KIRREL1: variants seen among roughly 807,000 people sequenced by gnomAD.
KIRREL1 encodes kin of IRRE-like protein 1.
KIRREL1 carries 25 observed loss-of-function variants against 83.3 expected under a neutral mutation model. The observed-to-expected ratio is 0.30, with a 90% confidence interval of 0.22 to 0.42. The LOEUF (loss-of-function observed/expected upper bound fraction) is 0.42, where lower values mean the gene tolerates loss of function less well. Ranked by LOEUF, KIRREL1 falls within the 10% of genes least tolerant of loss-of-function variation. The pLI is 1.00. For missense variants in KIRREL1, 812 were observed against 1,032.3 expected, an observed-to-expected ratio of 0.79 and a Z score of 2.92; for synonymous variants, 388 against 410.4, an observed-to-expected ratio of 0.95 and a Z score of 0.66.
intron 1 of KIRREL1, among the ~76,000 whole-genome samples, chr1:158,038,683 G>A (rs1660541511): frequency 6.6e-6 from 1 of 151,988 alleles, no homozygotes; most frequent in South Asian, 2.1e-4. Flanking sequence ...ATTATTCTTA[G>A]CCCTGGGAGA....
intron 1 of KIRREL1, chr1:158,031,043 TC>T (rs1487236041): frequency 1.3e-5 from 2 of 151,618 alleles, no homozygotes; most frequent in Non-Finnish European, 2.9e-5. Context: ...TGGGAAAGAG[TC>T]CCCTCCTCTC....
intron 1 of KIRREL1, among the ~76,000 whole-genome samples, chr1:158,014,270 A>C (rs1659764461): frequency 6.6e-6 from 1 of 152,086 alleles, no homozygotes; most frequent in African/African-American, 2.4e-5. Context: ...TTTTATTTAA[A>C]ATCAGAGAGC....
At chr1:158,078,286 G>A (rs1456604726) in intron 3 of KIRREL1, 146 bp downstream of exon 3, 2 of 931,022 alleles carry the variant, frequency 2.1e-6, no homozygotes, top group Non-Finnish European at 3.2e-6. Context: ...TCAAGTCCAG[G>A]TAGAAGAAAG....
intron 1 of KIRREL1, among the ~76,000 whole-genome samples, chr1:158,060,181 C>T (rs1299055328): frequency 6.6e-6 from 1 of 152,188 alleles, no homozygotes; most frequent in Non-Finnish European, 1.5e-5. Context: ...CCTCTCTGCT[C>T]CTCCTTCGCC....
At position 158,097,783 on chromosome 1, in the gene KIRREL1, T is replaced by A. The variant is rs1247204226; in HGVS notation, c.*2663T>A. ...GTGATGCCTCAGTAGTTGGTGATCC[T>A]GATCACCTTTGGTGGCTTGTTTTAG... is the stretch of plus-strand genomic sequence containing the variant. On this transcript the variant is annotated 3_prime_UTR_variant, in exon 15 of 15. Coordinates refer to ENST00000359209, the MANE Select transcript of KIRREL1 (RefSeq NM_018240.7). 2 of 152,342 alleles carry A rather than the reference T, an allele frequency of 1.3e-5. No individual in the cohort carries two copies. The highest frequency in any genetic ancestry group is 2.9e-5 in the Non-Finnish European group (2 of 68,142). 9.4% of individuals were successfully genotyped at this position (152,342 alleles called of 1,614,324 possible).
At chr1:158,059,693 CA>C (rs1167770880) in intron 1 of KIRREL1, among the ~76,000 whole-genome samples, 1 of 152,002 alleles carries the variant, frequency 6.6e-6, no homozygotes, top group East Asian at 1.9e-4. Flanking sequence ...TCAGGGTAGG[CA>C]GGGGTGGGGG....
At chr1:158,037,246 G>A (rs997984176) in intron 1 of KIRREL1, among the ~76,000 whole-genome samples, 8 of 152,198 alleles carry the variant, frequency 5.3e-5, no homozygotes, top group Non-Finnish European at 1.0e-4. Flanking sequence ...CATAATCCCA[G>A]CACTTTGGGA....
At position 158,094,323 on chromosome 1, in the gene KIRREL1, A is replaced by G. The variant is rs1253768108; in HGVS notation, c.1730A>G (p.Asp577Gly). The G allele has an allele frequency of 3.8e-6, 6 of 1,566,716 alleles. No individual in the cohort carries two copies. Among genetic ancestry groups the G allele is most frequent in the Admixed American group, 3.4e-5 (2 of 58,504 alleles). Residue 577 changes from aspartate (D) to glycine (G), a missense_variant, in exon 14 of 15, where the codon GAT (aspartate) becomes GGT (glycine). Asp to Gly is a moderately conservative substitution (Grantham distance 94). Coordinates refer to ENST00000359209, the MANE Select transcript of KIRREL1 (RefSeq NM_018240.7). The surrounding 1 kb of genome is among the most constrained non-coding windows in gnomAD (Gnocchi z 4.6). The stretch of plus-strand genomic sequence containing the variant: ...CCTGCTGCTCCACAGTCGTTTAAGG[A>G]TGATGTGGATCTGAAGCAGGACCTG... Reference protein sequence around the residue: ...VMKAIYSSFKDDVDLKQDLRC... With the variant: ...VMKAIYSSFKGDVDLKQDLRC...
At chr1:158,057,148 G>A (rs1464671546) in intron 1 of KIRREL1, among the ~76,000 whole-genome samples, 1 of 152,168 alleles carries the variant, frequency 6.6e-6, no homozygotes, top group Non-Finnish European at 1.5e-5. Context: ...TGGGATAGAG[G>A]TGTGAGTCCC....
In KIRREL1 at chr1:158,076,131, G is replaced by C; in HGVS notation, c.71G>C (p.Ser24Thr). 6.2e-7 allele frequency: 1 copy of C among 1,614,100 alleles called. No individual in the cohort carries two copies. Among genetic ancestry groups the C allele is most frequent in the Non-Finnish European group, 8.5e-7 (1 of 1,180,000 alleles). Reference protein sequence around the residue: ...TFSQGTQTRFSQEPADQTVVA... With the variant: ...TFSQGTQTRFTQEPADQTVVA... ...TTTGCAGGGACCCAGACCCGCTTCA[G>C]CCAGGAGCCAGCTGACCAGACGGTG... The change falls in exon 2 of 15, where the codon AGC (serine) becomes ACC (threonine). Residue 24 changes from serine (S) to threonine (T), a missense_variant. Transcript: ENST00000359209.
intron 1 of KIRREL1, among the ~76,000 whole-genome samples, chr1:158,021,260 T>G (rs1659997482): frequency 6.6e-6 from 1 of 152,232 alleles, no homozygotes; most frequent in Admixed American, 6.5e-5. Context: ...TATTTTCTGG[T>G]GACCCGGAGA....
intron 1 of KIRREL1, among the ~76,000 whole-genome samples, chr1:158,014,487 T>G (rs1659770554): frequency 6.6e-6 from 1 of 152,108 alleles, no homozygotes; most frequent in Non-Finnish European, 1.5e-5. Flanking sequence ...CCGTCTTGCC[T>G]TCTTCTCCCA....
chr1:158,038,605 C>T (rs780623315), intron 1 of KIRREL1, among the ~76,000 whole-genome samples: 35 of 150,340 alleles, frequency 2.3e-4, no homozygotes, highest in Non-Finnish European at 4.3e-4. Flanking sequence ...AGATTACAGA[C>T]GTGATCTACT....
At chr1:158,012,949 C>T (rs946886271) in intron 1 of KIRREL1, among the ~76,000 whole-genome samples, 1 of 152,184 alleles carries the variant, frequency 6.6e-6, no homozygotes, top group Non-Finnish European at 1.5e-5. Flanking sequence ...CTGGCCTCTA[C>T]CTACTGGAAG....
At chr1:158,011,048 G>A (rs954299190) in intron 1 of KIRREL1, among the ~76,000 whole-genome samples, 2 of 152,134 alleles carry the variant, frequency 1.3e-5, no homozygotes, top group Non-Finnish European at 2.9e-5. Flanking sequence ...TACTTGGAGC[G>A]GGCTGGAATC....
chr1:158,069,661 G>A (rs938208922), intron 1 of KIRREL1, among the ~76,000 whole-genome samples: 2 of 152,158 alleles, frequency 1.3e-5, no homozygotes, highest in African/African-American at 2.4e-5. Context: ...GAGCTGGGAG[G>A]TTCCAAGAGA....
At chr1:158,012,104 G>A (rs1230183277) in intron 1 of KIRREL1, among the ~76,000 whole-genome samples, 1 of 152,048 alleles carries the variant, frequency 6.6e-6, no homozygotes, top group Non-Finnish European at 1.5e-5. Context: ...TCCCCAATAA[G>A]ATTAAAAAAT....
At chr1:158,009,693 A>G (rs542746222) in intron 1 of KIRREL1, among the ~76,000 whole-genome samples, 1 of 152,314 alleles carries the variant, frequency 6.6e-6, no homozygotes, top group East Asian at 1.9e-4. Context: ...CTTTCCACAA[A>G]TAAATTGCCT....
intron 4 of KIRREL1, among the ~76,000 whole-genome samples, 160 bp from the exon 5 acceptor site, chr1:158,086,436 A>ACAC (rs1003738153): frequency 4.6e-5 from 7 of 151,910 alleles, no homozygotes; most frequent in African/African-American, 1.4e-4. Context: ...ACACACACAC[A>ACAC]CACACACACA....
Sources: gnomAD v4.1 joint callset for allele counts (sites outside exome capture counted in the v4.1 genomes callset) on GRCh38, gnomAD v4.1.1 for gene constraint, Gnocchi (gnomAD v3.1) non-coding constraint, MANE v1.5 for transcripts, NCBI Gene and HGNC (gene_info 2026-07-23, HGNC 2026-07-21) for gene names.